Variants in ADGRL3 observed in about 807,000 individuals in gnomAD.
ADGRL3 encodes adhesion G protein-coupled receptor L3.
ADGRL3 carries 62 observed loss-of-function variants against 153.5 expected under a neutral mutation model. The observed-to-expected ratio is 0.40, with a 90% CI of 0.33 to 0.50. The LOEUF is 0.50. ADGRL3 is among the 20% of genes least tolerant of loss of function. The pLI is 0.47. For synonymous variants in ADGRL3, 710 were observed against 672.5 expected (o/e 1.06, Z -0.86); for missense variants, 1,641 against 1,859.4 (o/e 0.88, Z 2.16).
chr4:61,862,911 A>G (rs1413248152), intron 9 of ADGRL3, among the ~76,000 whole-genome samples: 1 of 152,128 alleles, frequency 6.6e-6, no homozygotes, highest in Non-Finnish European at 1.5e-5. Context: ...GGTGGGGGTG[A>G]AGGGAGCTTA....
intron 2 of ADGRL3, among the ~76,000 whole-genome samples, chr4:61,489,378 A>G (rs1282760501): frequency 6.6e-6 from 1 of 152,022 alleles, no homozygotes; most frequent in Non-Finnish European, 1.5e-5. Flanking sequence ...CTATGCAGAT[A>G]TAAAGGACTA....
chr4:61,948,523 G>C (rs2098934569), intron 17 of ADGRL3, among the ~76,000 whole-genome samples: 1 of 152,098 alleles, frequency 6.6e-6, no homozygotes, highest in Admixed American at 6.6e-5. Context: ...TAGTCTCCCT[G>C]TTATTTTGTA....
intron 9 of ADGRL3, among the ~76,000 whole-genome samples, chr4:61,884,300 G>A (rs977774820): frequency 6.6e-6 from 1 of 152,134 alleles, no homozygotes; most frequent in Non-Finnish European, 1.5e-5. Flanking sequence ...TCTACCACTT[G>A]TGAATGCTAT....
At chr4:61,368,903 C>T (rs968913254) in intron 1 of ADGRL3, among the ~76,000 whole-genome samples, 24 of 152,046 alleles carry the variant, frequency 1.6e-4, no homozygotes, top group African/African-American at 5.8e-4. Context: ...CTTTTATTTC[C>T]TTGAACAGCG....
chr4:61,230,410 G>A (rs1386447950), intron 1 of ADGRL3, among the ~76,000 whole-genome samples: 1 of 152,152 alleles, frequency 6.6e-6, no homozygotes, highest in African/African-American at 2.4e-5. Flanking sequence ...TATGATTTCT[G>A]ACTTAGTAAT....
At chr4:61,386,381 G>A (rs2096736275) in intron 2 of ADGRL3, among the ~76,000 whole-genome samples, 1 of 152,050 alleles carries the variant, frequency 6.6e-6, no homozygotes, top group Non-Finnish European at 1.5e-5. Context: ...TAAATTCTAA[G>A]TGATTAAACT....
At chr4:62,042,881 T>G (rs1729114057) in intron 24 of ADGRL3, among the ~76,000 whole-genome samples, 1 of 152,062 alleles carries the variant, frequency 6.6e-6, no homozygotes, top group Non-Finnish European at 1.5e-5. Context: ...GGAAACCCTT[T>G]GAACCCCTCT....
intron 11 of ADGRL3, among the ~76,000 whole-genome samples, chr4:61,909,111 T>G (rs1332368767): frequency 6.6e-6 from 1 of 152,188 alleles, no homozygotes; most frequent in East Asian, 1.9e-4. Flanking sequence ...TCTGTCAATT[T>G]TCACAGAGCT....
intron 6 of ADGRL3, among the ~76,000 whole-genome samples, chr4:61,700,080 C>T (rs919702729): frequency 1.3e-5 from 2 of 151,728 alleles, no homozygotes; most frequent in South Asian, 2.1e-4. Context: ...TAAGGAGGGA[C>T]GAAGAGGTTG....
At chr4:61,656,035 C>T (rs545927300) in intron 5 of ADGRL3, among the ~76,000 whole-genome samples, 2 of 152,224 alleles carry the variant, frequency 1.3e-5, no homozygotes, top group South Asian at 4.1e-4. Context: ...TCCCCAGTGG[C>T]TTGCAATGCA....
chr4:61,795,408 TGGGCCGC>T (rs1203848370), intron 8 of ADGRL3, among the ~76,000 whole-genome samples: 8 of 152,180 alleles, frequency 5.3e-5, no homozygotes, highest in Admixed American at 2.6e-4. Flanking sequence ...AGCCACTCTG[TGGGCCGC>T]AACCTATATT....
intron 9 of ADGRL3, among the ~76,000 whole-genome samples, chr4:61,871,433 C>T (rs190608076): frequency 1.6e-4 from 25 of 152,068 alleles, no homozygotes; most frequent in Admixed American, 1.5e-3. Context: ...TCTCATTGTG[C>T]GATCAAAAGG....
At chr4:61,948,397 T>TA (rs2098934123) in intron 17 of ADGRL3, 121 bp downstream of exon 17, 1 of 652,352 alleles carries the variant, frequency 1.5e-6, no homozygotes, top group Non-Finnish European at 2.4e-6. Context: ...GTAATTCTAT[T>TA]AAGGAACTCT....
chr4:61,227,741 A>G (rs1748635162), intron 1 of ADGRL3, among the ~76,000 whole-genome samples: 1 of 152,214 alleles, frequency 6.6e-6, no homozygotes, highest in Non-Finnish European at 1.5e-5. Flanking sequence ...ATCAAAGGGT[A>G]ATAAGCCATT....
intron 1 of ADGRL3, among the ~76,000 whole-genome samples, chr4:61,330,616 C>T (rs1171844249): frequency 6.6e-6 from 1 of 152,078 alleles, no homozygotes; most frequent in Non-Finnish European, 1.5e-5. Context: ...AGAATGAAGC[C>T]GCAGACCTTC....
chr4:61,559,313 A>G (rs1264496515), intron 4 of ADGRL3, among the ~76,000 whole-genome samples: 2 of 152,126 alleles, frequency 1.3e-5, no homozygotes, highest in Non-Finnish European at 2.9e-5. Context: ...GAAATAACTC[A>G]GTGGATATGA....
chr4:61,424,215 A>G (rs563541071), intron 2 of ADGRL3, among the ~76,000 whole-genome samples: 1 of 152,200 alleles, frequency 6.6e-6, no homozygotes, highest in South Asian at 2.1e-4. Context: ...GACTCATAAC[A>G]TGGTAGCATA....
At chr4:61,871,137 G>C (rs545545757) in intron 9 of ADGRL3, among the ~76,000 whole-genome samples, 1 of 152,102 alleles carries the variant, frequency 6.6e-6, no homozygotes, top group African/African-American at 2.4e-5. Flanking sequence ...AATTAGCCAG[G>C]TGTGGTGGCG....
intron 4 of ADGRL3, among the ~76,000 whole-genome samples, chr4:61,566,320 T>C (rs2098815979): frequency 6.6e-6 from 1 of 152,180 alleles, no homozygotes; most frequent in Non-Finnish European, 1.5e-5. Context: ...TGAGTTCTGT[T>C]GGATTAGGGC....
Sources: gnomAD v4.1 joint callset for allele counts (sites outside exome capture counted in the v4.1 genomes callset) on GRCh38, gnomAD v4.1.1 for gene constraint, MANE v1.5 for transcripts, NCBI Gene and HGNC (gene_info 2026-07-23, HGNC 2026-07-21) for gene names.